The following NLGN1 variants were observed in gnomAD, a reference collection of about 807,000 sequenced individuals.
The protein encoded by NLGN1 is neuroligin-1.
Under a neutral mutation model 65.5 loss-of-function variants are expected in NLGN1, and 12 were observed. That is an observed-to-expected ratio of 0.18 (90% CI 0.12 to 0.30). NLGN1 has a LOEUF of 0.30. Among genes scored for constraint, NLGN1 ranks in the 10% least tolerant of loss-of-function variants. The pLI, the probability that NLGN1 is intolerant of heterozygous loss-of-function variation, is 1.00. For missense variants in NLGN1, 750 were observed against 1,007.1 expected (o/e 0.74, Z 3.46); for synonymous variants, 350 against 359.5 (o/e 0.97, Z 0.30).
At chr3:173,597,019 AC>A (rs1487028069) in intron 2 of NLGN1, among the ~76,000 whole-genome samples, 1 of 152,088 alleles carries the variant, frequency 6.6e-6, no homozygotes, top group African/African-American at 2.4e-5. Context: ...TTTCAATACC[AC>A]ACTCTTTGGA....
chr3:174,161,540 C>G (rs2152721072), intron 4 of NLGN1, among the ~76,000 whole-genome samples: 1 of 151,780 alleles, frequency 6.6e-6, no homozygotes, highest in South Asian at 2.1e-4. Flanking sequence ...GTGCTGCAGC[C>G]AAGGAGATGG....
chr3:173,937,050 T>C (rs1745193669), intron 4 of NLGN1, among the ~76,000 whole-genome samples: 1 of 151,980 alleles, frequency 6.6e-6, no homozygotes, highest in Non-Finnish European at 1.5e-5. Flanking sequence ...AATGTCAAAT[T>C]ATGGAACTAA....
intron 4 of NLGN1, among the ~76,000 whole-genome samples, chr3:173,940,497 T>C (rs1745884116): frequency 6.6e-6 from 1 of 152,186 alleles, no homozygotes; most frequent in African/African-American, 2.4e-5. Flanking sequence ...TCTTTCCTCA[T>C]TTTCTTTCAA....
chr3:173,456,167 C>T (rs900591048), intron 2 of NLGN1, among the ~76,000 whole-genome samples: 1 of 152,018 alleles, frequency 6.6e-6, no homozygotes, highest in Non-Finnish European at 1.5e-5. Context: ...ACACTTGGCC[C>T]AGTGATGGTG....
intron 4 of NLGN1, among the ~76,000 whole-genome samples, chr3:173,894,046 C>T (rs1205856581): frequency 1.3e-5 from 2 of 152,186 alleles, no homozygotes; most frequent in Non-Finnish European, 2.9e-5. Flanking sequence ...CATGAAGCAC[C>T]TTCACTTCCT....
chr3:174,250,808 A>G (rs1374795600), intron 4 of NLGN1, among the ~76,000 whole-genome samples: 2 of 152,128 alleles, frequency 1.3e-5, no homozygotes, highest in Non-Finnish European at 2.9e-5. Context: ...TCAAATATTG[A>G]TCACCCTTTC....
At chr3:174,009,263 CT>C (rs1204943772) in intron 4 of NLGN1, among the ~76,000 whole-genome samples, 5 of 152,166 alleles carry the variant, frequency 3.3e-5, no homozygotes, top group Non-Finnish European at 1.5e-5. Context: ...CAAAACTTTA[CT>C]TCCTAATACC....
At position 174,264,044 on chromosome 3, in the gene NLGN1, G is replaced by A. The variant is rs376170162; in HGVS notation, c.647-11271G>A. 3.1e-4 allele frequency among the ~76,000 whole-genome samples: 47 copies of A among 150,342 alleles called. 2 individuals carry two copies. In the East Asian group the frequency reaches 9.1e-3, roughly 29 times the overall value. Reference sequence around the variant, plus strand: ...TCTTCTGGCTTGTAGGGTTTCTGCCGAGAGATCCGCTGTTAGTCTGATGGG... The same window carrying A: ...TCTTCTGGCTTGTAGGGTTTCTGCCAAGAGATCCGCTGTTAGTCTGATGGG... On this transcript the variant is annotated intron_variant, in intron 4 of 6. Transcript: ENST00000457714.
In NLGN1 at chr3:174,240,496, T is replaced by C. The variant is rs6780862; in HGVS notation, c.647-34819T>C. 6.0e-3 allele frequency among the ~76,000 whole-genome samples: 911 copies of C among 152,210 alleles called. 24 individuals are homozygous for C. Among genetic ancestry groups the C allele is most frequent in the East Asian group, 0.031 (159 of 5,172 alleles). ...ATTTAGATAAATCCTGAAAAATTTT[T>C]AAATTACCAAGAACGCTGTCATTAT... On this transcript the variant is annotated intron_variant, in intron 4 of 6. Transcript: ENST00000457714.
At chr3:173,825,805 A>G (rs1041216680) in intron 4 of NLGN1, among the ~76,000 whole-genome samples, 1 of 152,092 alleles carries the variant, frequency 6.6e-6, no homozygotes, top group Non-Finnish European at 1.5e-5. Flanking sequence ...ATCTTTTGCT[A>G]CAAGATATGT....
intron 4 of NLGN1, among the ~76,000 whole-genome samples, chr3:173,901,039 C>T (rs1047343478): frequency 6.6e-6 from 1 of 151,898 alleles, no homozygotes; most frequent in African/African-American, 2.4e-5. Flanking sequence ...AAGAAAAGCA[C>T]CTAAGAATAC....
At chr3:173,849,257 T>C (rs559402986) in intron 4 of NLGN1, among the ~76,000 whole-genome samples, 114 of 152,292 alleles carry the variant, frequency 7.5e-4, no homozygotes, top group African/African-American at 2.7e-3. Context: ...GTAGTAGTAG[T>C]AGATAGGTTT....
chr3:174,209,620 TTTC>T (rs1736061189), intron 4 of NLGN1, among the ~76,000 whole-genome samples: 1 of 139,472 alleles, frequency 7.2e-6, no homozygotes. Flanking sequence ...TCAACCTTTC[TTTC>T]TTTTTTTTTT....
intron 4 of NLGN1, among the ~76,000 whole-genome samples, chr3:173,916,570 C>T (rs149332437): frequency 0.012 from 1,833 of 152,184 alleles, 14 homozygotes; most frequent in Non-Finnish European, 0.02. Flanking sequence ...AGATATGGTG[C>T]CCTTCCAGAT....
chr3:173,661,069 C>T (rs1760856362), intron 3 of NLGN1, among the ~76,000 whole-genome samples: 1 of 151,910 alleles, frequency 6.6e-6, no homozygotes, highest in South Asian at 2.1e-4. Flanking sequence ...TGCCAGTAAT[C>T]CACTTGAGAT....
chr3:173,514,692 C>T (rs932404271), intron 2 of NLGN1, among the ~76,000 whole-genome samples: 7 of 152,098 alleles, frequency 4.6e-5, no homozygotes, highest in African/African-American at 1.7e-4. Flanking sequence ...CTGGTAACCA[C>T]AATTATATTG....
At chr3:173,949,051 A>G (rs1036827534) in intron 4 of NLGN1, among the ~76,000 whole-genome samples, 3 of 152,114 alleles carry the variant, frequency 2.0e-5, no homozygotes, top group Admixed American at 1.3e-4. Flanking sequence ...TGGTCAACCT[A>G]TGTAAAAATA....
At chr3:173,776,614 A>G (rs779147597) in intron 3 of NLGN1, among the ~76,000 whole-genome samples, 1 of 151,956 alleles carries the variant, frequency 6.6e-6, no homozygotes, top group Non-Finnish European at 1.5e-5. Context: ...TCACATTTCC[A>G]TATCTTTAAT....
chr3:173,830,032 A>T (rs1469456958), intron 4 of NLGN1, among the ~76,000 whole-genome samples: 1 of 150,756 alleles, frequency 6.6e-6, no homozygotes, highest in East Asian at 1.9e-4. Flanking sequence ...GAGAATAAAA[A>T]GAAGTCTTTG....
Sources: allele counts gnomAD v4.1 joint callset (sites outside exome capture counted in the v4.1 genomes callset), GRCh38; gene constraint gnomAD v4.1.1; transcripts MANE v1.5; gene names NCBI Gene and HGNC (gene_info 2026-07-23, HGNC 2026-07-21).